The following PCDH11X variants were observed in gnomAD, a reference collection of about 807,000 sequenced individuals.
PCDH11X encodes protocadherin 11 X-linked.
PCDH11X carries 18 observed loss-of-function variants against 53.3 expected under a neutral mutation model. The observed-to-expected ratio is 0.34, with a 90% CI of 0.23 to 0.50. The LOEUF is 0.50. Ranked by LOEUF, PCDH11X falls within the 20% of genes least tolerant of loss-of-function variation. PCDH11X has a pLI of 0.98. For synonymous variants in PCDH11X, 279 were observed against 393.3 expected (o/e 0.71, Z 3.44); for missense variants, 570 against 1,032.4 (o/e 0.55, Z 6.14).
intron 4 of PCDH11X, among the ~76,000 whole-genome samples, chrX:91,819,183 G>C (rs991482058): frequency 7.3e-5 from 8 of 109,253 alleles, no homozygotes; most frequent in African/African-American, 2.0e-4. Flanking sequence ...TGGTGAGAAG[G>C]CATGGAATAT....
At chrX:92,539,458 C>A (rs1353807697) in intron 10 of PCDH11X, among the ~76,000 whole-genome samples, 1 of 111,238 alleles carries the variant, frequency 9.0e-6, no homozygotes, top group Non-Finnish European at 1.9e-5. Flanking sequence ...TTATTTCAAT[C>A]TCTTTGTTAA....
intron 6 of PCDH11X, among the ~76,000 whole-genome samples, chrX:92,020,503 C>T (rs985058869): frequency 9.0e-6 from 1 of 111,251 alleles, no homozygotes; most frequent in African/African-American, 3.3e-5. Flanking sequence ...GCAGGAACTC[C>T]AACTCTAGCC....
intron 6 of PCDH11X, among the ~76,000 whole-genome samples, chrX:92,105,008 T>G (rs1317604491): frequency 9.0e-6 from 1 of 110,522 alleles, no homozygotes; most frequent in Non-Finnish European, 1.9e-5. Flanking sequence ...AAGGACCAAG[T>G]CAGGCATCCC....
At chrX:91,981,144 C>T (rs1602611710) in intron 6 of PCDH11X, among the ~76,000 whole-genome samples, 1 of 106,071 alleles carries the variant, frequency 9.4e-6, no homozygotes. Context: ...TCTCATTCCT[C>T]AAGAAACTCA....
intron 6 of PCDH11X, among the ~76,000 whole-genome samples, chrX:92,198,362 G>T (rs1310273597): frequency 4.7e-5 from 4 of 84,817 alleles, no homozygotes; most frequent in African/African-American, 1.8e-4. Flanking sequence ...GGTGAGCCAA[G>T]ATTGCCACAC....
chrX:92,099,832 A>G (rs2064207335), intron 6 of PCDH11X, among the ~76,000 whole-genome samples: 1 of 111,202 alleles, frequency 9.0e-6, no homozygotes, highest in African/African-American at 3.3e-5. Context: ...TCCTTTTGGT[A>G]GTAATCAAAA....
intron 8 of PCDH11X, among the ~76,000 whole-genome samples, chrX:92,332,713 T>TA (rs746482193): frequency 5.9e-5 from 6 of 101,682 alleles, no homozygotes; most frequent in Non-Finnish European, 1.2e-4. Context: ...GAAATGTAGT[T>TA]ACTAAAACAG....
chrX:92,010,743 T>C (rs1275685008), intron 6 of PCDH11X, among the ~76,000 whole-genome samples: 1 of 110,110 alleles, frequency 9.1e-6, no homozygotes, highest in African/African-American at 3.3e-5. Flanking sequence ...TTCTGACTTT[T>C]AGGTTCAGGG....
chrX:91,856,033 A>G (rs986571739), intron 5 of PCDH11X, among the ~76,000 whole-genome samples: 1 of 98,536 alleles, frequency 1.0e-5, no homozygotes, highest in Non-Finnish European at 2.0e-5. Flanking sequence ...TACCAGTACT[A>G]TGTTGAATAA....
chrX:91,850,171 C>T (rs2571925), intron 5 of PCDH11X, among the ~76,000 whole-genome samples: 5 of 111,035 alleles, frequency 4.5e-5, no homozygotes, highest in African/African-American at 1.6e-4. Context: ...ATCTGTTACT[C>T]TTCTAAGAGA....
intron 8 of PCDH11X, among the ~76,000 whole-genome samples, chrX:92,347,226 A>G (rs1033363917): frequency 8.9e-6 from 1 of 111,780 alleles, no homozygotes; most frequent in Admixed American, 9.6e-5. Flanking sequence ...AGAAATGTCA[A>G]ATTAATCAAT....
chrX:92,014,361 C>T (rs1406215970), intron 6 of PCDH11X, among the ~76,000 whole-genome samples: 1 of 110,808 alleles, frequency 9.0e-6, no homozygotes, highest in East Asian at 2.8e-4. Flanking sequence ...GTTAGAATGG[C>T]AATCATTAAA....
chrX:91,882,993 T>G, intron 6 of PCDH11X: 2 of 1,159,491 alleles, frequency 1.7e-6, no homozygotes, highest in Non-Finnish European at 2.3e-6. Context: ...TCCAAAAAAT[T>G]TCAATGATTG....
chrX:92,517,020 T>C (rs1173091588), intron 10 of PCDH11X, among the ~76,000 whole-genome samples: 1 of 112,308 alleles, frequency 8.9e-6, no homozygotes, highest in African/African-American at 3.2e-5. Flanking sequence ...TGTGAGAACG[T>C]AAGCCTGGAT....
chrX:92,104,979 A>G (rs36057201), intron 6 of PCDH11X, among the ~76,000 whole-genome samples: 31,485 of 110,065 alleles, frequency 0.29, 4,801 homozygotes, highest in African/African-American at 0.57. Flanking sequence ...CAGGAAAGCG[A>G]GACTTGCCAC....
chrX:91,907,691 G>C (rs1941232214), intron 6 of PCDH11X, among the ~76,000 whole-genome samples: 1 of 107,152 alleles, frequency 9.3e-6, no homozygotes, highest in Non-Finnish European at 1.9e-5. Context: ...AGGTAAACTT[G>C]TGTCATGGGG....
At chrX:92,582,121 A>T (rs1923777124) in intron 10 of PCDH11X, among the ~76,000 whole-genome samples, 1 of 91,958 alleles carries the variant, frequency 1.1e-5, no homozygotes, top group Admixed American at 1.2e-4. Context: ...CTGATGATTG[A>T]TAGAAAAGAA....
intron 8 of PCDH11X, among the ~76,000 whole-genome samples, chrX:92,322,937 C>T (rs904631605): frequency 1.8e-5 from 2 of 111,394 alleles, no homozygotes; most frequent in African/African-American, 6.5e-5. Flanking sequence ...TCTCAGGATT[C>T]AGATTGTCTA....
At chrX:91,905,479 C>A (rs1380043586) in intron 6 of PCDH11X, among the ~76,000 whole-genome samples, 1 of 110,950 alleles carries the variant, frequency 9.0e-6, no homozygotes, top group Non-Finnish European at 1.9e-5. Context: ...TTTATACTAT[C>A]TCATCAGTTA....
Sources: allele counts gnomAD v4.1 joint callset (sites outside exome capture counted in the v4.1 genomes callset), GRCh38; gene constraint gnomAD v4.1.1; transcripts MANE v1.5; gene names NCBI Gene and HGNC (gene_info 2026-07-23, HGNC 2026-07-21).